The following ZNRF3 variants were observed in gnomAD, a reference collection of about 807,000 sequenced individuals.
The protein encoded by ZNRF3 is zinc and ring finger 3.
A neutral mutation model predicts 72.5 loss-of-function variants in ZNRF3; 23 were observed. That is an observed-to-expected ratio of 0.32 (90% confidence interval 0.23 to 0.45). The LOEUF (loss-of-function observed/expected upper bound fraction) is 0.45, where lower values mean the gene tolerates loss of function less well. Among genes scored for constraint, ZNRF3 ranks in the 20% least tolerant of loss-of-function variants. The pLI, the probability that ZNRF3 is intolerant of heterozygous loss-of-function variation, is 1.00. For synonymous variants in ZNRF3, 610 were observed against 545.3 expected (o/e 1.12, Z -1.65); for missense variants, 1,169 against 1,272.1 (o/e 0.92, Z 1.23).
chr22:28,989,691 G>A (rs191638181), intron 2 of ZNRF3, among the ~76,000 whole-genome samples: 1 of 152,280 alleles, frequency 6.6e-6, no homozygotes, highest in Admixed American at 6.5e-5. Context: ...CACGAAGGGA[G>A]GACTCTGTCC....
chr22:28,917,545 A>C, intron 1 of ZNRF3: 1 of 729,790 alleles, frequency 1.4e-6, no homozygotes, highest in Non-Finnish European at 1.7e-6. Context: ...GAAGAATTTG[A>C]AGAGTATATA....
At chr22:28,899,643 G>A (rs1240185316) in intron 1 of ZNRF3, among the ~76,000 whole-genome samples, 1 of 151,004 alleles carries the variant, frequency 6.6e-6, no homozygotes, top group Non-Finnish European at 1.5e-5. Context: ...TTCTTACTAT[G>A]TGCTCAGATA....
chr22:28,966,561 T>C (rs1390786208), intron 1 of ZNRF3, among the ~76,000 whole-genome samples: 2 of 152,126 alleles, frequency 1.3e-5, no homozygotes, highest in African/African-American at 4.8e-5. Context: ...ACAGTGACAT[T>C]GATGATCCTG....
At chr22:28,978,539 T>G (rs2035713018) in intron 1 of ZNRF3, among the ~76,000 whole-genome samples, 4 of 152,172 alleles carry the variant, frequency 2.6e-5, no homozygotes, top group Admixed American at 2.6e-4. Context: ...TTCTCTGCCT[T>G]TTCCAGTGAG....
At chr22:28,990,613 T>C (rs1476185960) in intron 2 of ZNRF3, among the ~76,000 whole-genome samples, 1 of 151,792 alleles carries the variant, frequency 6.6e-6, no homozygotes, top group African/African-American at 2.4e-5. Context: ...GAGGTGGAGG[T>C]TGGAGTGTGC....
chr22:28,954,075 G>T (rs2035213688), intron 1 of ZNRF3, among the ~76,000 whole-genome samples: 1 of 151,960 alleles, frequency 6.6e-6, no homozygotes, highest in African/African-American at 2.4e-5. Context: ...CTCTGTGTGT[G>T]TTTTTTTTCA....
At chr22:28,922,443 T>C (rs1019299505) in intron 1 of ZNRF3, among the ~76,000 whole-genome samples, 1 of 152,266 alleles carries the variant, frequency 6.6e-6, no homozygotes, top group South Asian at 2.1e-4. Flanking sequence ...GTTGTTCTTA[T>C]AACTTTTTCT....
chr22:28,973,953 CTTTTTTT>C (rs553300044), intron 1 of ZNRF3, among the ~76,000 whole-genome samples: 73 of 111,496 alleles, frequency 6.5e-4, no homozygotes, highest in African/African-American at 2.1e-3. Context: ...CTCTCTCTCT[CTTTTTTT>C]TTTTTTTTTT....
At chr22:28,933,033 C>T (rs1373924602) in intron 1 of ZNRF3, among the ~76,000 whole-genome samples, 1 of 152,174 alleles carries the variant, frequency 6.6e-6, no homozygotes, top group African/African-American at 2.4e-5. Context: ...GTGTGTGTTC[C>T]ACCTATGATA....
At chr22:28,901,635 CTTTTTT>C (rs132532) in intron 1 of ZNRF3, among the ~76,000 whole-genome samples, 2 of 74,816 alleles carry the variant, frequency 2.7e-5, no homozygotes, top group Admixed American at 1.5e-4. Context: ...ATGGATGGAC[CTTTTTT>C]TTTTTTTTTT....
At chr22:28,924,753 T>C (rs2034570554) in intron 1 of ZNRF3, among the ~76,000 whole-genome samples, 1 of 151,942 alleles carries the variant, frequency 6.6e-6, no homozygotes, top group Non-Finnish European at 1.5e-5. Flanking sequence ...ATAATAATAA[T>C]AATAATTTTT....
At chr22:29,016,990 A>G in intron 2 of ZNRF3, among the ~76,000 whole-genome samples, 1 of 152,196 alleles carries the variant, frequency 6.6e-6, no homozygotes, top group East Asian at 1.9e-4. Flanking sequence ...TGCCCCCACA[A>G]ATGGCCTTTA....
intron 1 of ZNRF3, among the ~76,000 whole-genome samples, chr22:28,937,405 C>T (rs1411815840): frequency 6.6e-6 from 1 of 151,560 alleles, no homozygotes; most frequent in Non-Finnish European, 1.5e-5. Flanking sequence ...CCTCCTGGTG[C>T]ACGTACTGTG....
chr22:28,963,463 G>T (rs78078032), intron 1 of ZNRF3, among the ~76,000 whole-genome samples: 14 of 152,136 alleles, frequency 9.2e-5, no homozygotes, highest in Non-Finnish European at 1.6e-4. Flanking sequence ...TCGCAGGAGA[G>T]GGGGGTAGGG....
At chr22:28,898,006 G>C (rs1247904357) in intron 1 of ZNRF3, among the ~76,000 whole-genome samples, 1 of 152,046 alleles carries the variant, frequency 6.6e-6, no homozygotes, top group Non-Finnish European at 1.5e-5. Context: ...GCAGTGGCAC[G>C]ATCTCATCTC....
At chr22:29,003,531 A>G (rs2036190516) in intron 2 of ZNRF3, among the ~76,000 whole-genome samples, 1 of 151,168 alleles carries the variant, frequency 6.6e-6, no homozygotes, top group African/African-American at 2.4e-5. Context: ...AAAAAAAAGA[A>G]TCCATTTGAT....
rs901000583 is a variant in ZNRF3, at chr22:28,884,042, C to T, written c.276C>T (p.Leu92=). 1.5e-6 allele frequency: 2 copies of T among 1,294,326 alleles called. No individual in the cohort carries two copies. The highest frequency in any genetic ancestry group is 1.6e-5 in the African/African-American group (1 of 63,018). 80.2% of individuals were successfully genotyped at this position (1,294,326 alleles called of 1,614,324 possible). A position where few individuals can be genotyped will look rare whatever the true frequency, so the allele number is the denominator to read the frequency against. ...GCTTCTCGCGGGCCGGGGCCACGCT[C>T]AGCGCCGAGGGCGAGATCGTGCAGG... ...TGRFSRAGAT[L]SAEGEIVQMH... is the part of the protein sequence containing the mutation. Residue 92 remains leucine, a synonymous_variant, in exon 1 of 9, where the codon CTC becomes CTT. Transcript: ENST00000544604.
At chr22:28,997,406 G>C (rs189337584) in intron 2 of ZNRF3, among the ~76,000 whole-genome samples, 1 of 151,836 alleles carries the variant, frequency 6.6e-6, no homozygotes, top group Non-Finnish European at 1.5e-5. Flanking sequence ...GTCAGGGTTG[G>C]GGGGTGGGAG....
At chr22:29,053,499 CAG>C (rs2037244495) in intron 8 of ZNRF3, 78 bp from the exon 9 acceptor site, 2 of 1,424,004 alleles carry the variant, frequency 1.4e-6, no homozygotes, top group Admixed American at 3.6e-5. Context: ...ATGCTGGGGA[CAG>C]GGCCACCTGA....
Sources: allele counts gnomAD v4.1 joint callset (sites outside exome capture counted in the v4.1 genomes callset), GRCh38; gene constraint gnomAD v4.1.1; transcripts MANE v1.5; gene names NCBI Gene and HGNC (gene_info 2026-07-23, HGNC 2026-07-21).